Variants in TENM4 observed in about 807,000 individuals in gnomAD.
The protein encoded by TENM4 is teneurin-4.
Under a neutral mutation model 243.3 loss-of-function variants are expected in TENM4, and 82 were observed. That is an observed-to-expected ratio of 0.34 (90% confidence interval 0.28 to 0.40). TENM4 has a LOEUF of 0.40. TENM4 is among the 10% of genes least tolerant of loss of function. The pLI is 1.00. For missense variants in TENM4, 3,138 were observed against 3,673.3 expected (o/e 0.85, Z 3.77); for synonymous variants, 1,412 against 1,456.3 (o/e 0.97, Z 0.69).
intron 1 of TENM4, among the ~76,000 whole-genome samples, chr11:79,404,433 A>C (rs529887554): frequency 2.6e-5 from 4 of 152,294 alleles, no homozygotes; most frequent in Non-Finnish European, 4.4e-5. Context: ...AGTAGACTAG[A>C]GGCTGCCAGG....
At chr11:79,168,041 G>C (rs1255747521) in intron 3 of TENM4, among the ~76,000 whole-genome samples, 1 of 152,196 alleles carries the variant, frequency 6.6e-6, no homozygotes, top group Non-Finnish European at 1.5e-5. Flanking sequence ...TGCAGAACTG[G>C]GGCCATGGTT....
chr11:79,423,088 C>G (rs376432399), intron 1 of TENM4, among the ~76,000 whole-genome samples: 1 of 152,084 alleles, frequency 6.6e-6, no homozygotes, highest in African/African-American at 2.4e-5. Flanking sequence ...AAACCCAATC[C>G]CCCAAGGAGT....
In TENM4 at chr11:79,048,473, C is replaced by T. The variant is rs1427509474; in HGVS notation, c.493+16265G>A. 2.6e-5 allele frequency among the ~76,000 whole-genome samples: 4 copies of T among 152,132 alleles called. No individual in the cohort carries two copies. In the East Asian group the frequency reaches 7.7e-4, roughly 29 times the overall value. On this transcript the variant is annotated intron_variant, in intron 6 of 33. Coordinates refer to ENST00000278550, the MANE Select transcript of TENM4 (RefSeq NM_001098816.3). ...TAGAGCAAAGCCCTGATCCTGGACC[C>T]CACCCCCAAATCATGTGACACAAGG...
intron 2 of TENM4, among the ~76,000 whole-genome samples, chr11:79,236,774 T>A (rs368121197): frequency 2.0e-5 from 3 of 152,202 alleles, no homozygotes; most frequent in Non-Finnish European, 4.4e-5. Flanking sequence ...CCAAGTTCTA[T>A]GGAGCAAATG....
intron 6 of TENM4, among the ~76,000 whole-genome samples, chr11:78,910,180 C>T (rs374259457): frequency 6.6e-6 from 1 of 152,168 alleles, no homozygotes. Flanking sequence ...AGGCTGAGTG[C>T]CCACATCCAG....
intron 1 of TENM4, among the ~76,000 whole-genome samples, chr11:79,381,818 C>G (rs955613198): frequency 1.3e-5 from 2 of 151,982 alleles, no homozygotes; most frequent in Non-Finnish European, 2.9e-5. Flanking sequence ...GGTGATTTCC[C>G]TCAGACCACA....
At chr11:79,358,272 T>C (rs1857530602) in intron 1 of TENM4, among the ~76,000 whole-genome samples, 1 of 152,224 alleles carries the variant, frequency 6.6e-6, no homozygotes, top group African/African-American at 2.4e-5. Context: ...TAAATATTAC[T>C]AAAATGACCT....
At chr11:78,764,776 G>C (rs116033020) in intron 18 of TENM4, among the ~76,000 whole-genome samples, 1,918 of 152,310 alleles carry the variant, frequency 0.013, 49 homozygotes, top group African/African-American at 0.044. Flanking sequence ...GTGTAGTGGG[G>C]CAGACAGAGA....
chr11:78,946,358 T>C (rs925638467), intron 6 of TENM4, among the ~76,000 whole-genome samples: 4 of 152,238 alleles, frequency 2.6e-5, no homozygotes, highest in Non-Finnish European at 5.9e-5. Context: ...ACAGCATGGT[T>C]TACTGAATGT....
chr11:79,152,008 GC>G (rs1389035770), intron 3 of TENM4, among the ~76,000 whole-genome samples: 1 of 152,010 alleles, frequency 6.6e-6, no homozygotes, highest in East Asian at 1.9e-4. Context: ...AATGGAGAAG[GC>G]CATCCAAATA....
intron 6 of TENM4, among the ~76,000 whole-genome samples, chr11:79,052,709 G>T (rs1859829621): frequency 6.6e-6 from 1 of 152,170 alleles, no homozygotes; most frequent in South Asian, 2.1e-4. Context: ...GTCTCTTGGG[G>T]TCGCCATCTG....
chr11:78,673,305 C>G (rs1041924880), intron 30 of TENM4, among the ~76,000 whole-genome samples: 1 of 152,180 alleles, frequency 6.6e-6, no homozygotes. Flanking sequence ...GCCAGGTATT[C>G]TGGAACTAAA....
At chr11:79,023,967 C>G (rs1445465818) in intron 6 of TENM4, among the ~76,000 whole-genome samples, 4 of 152,206 alleles carry the variant, frequency 2.6e-5, no homozygotes, top group African/African-American at 9.6e-5. Context: ...ATTGCTAGAA[C>G]TATTTCACAG....
Position 79,245,002 on chromosome 11 carries a change from G to C in TENM4, c.-264-29093C>G, listed in dbSNP as rs531747845. On this transcript the variant is annotated intron_variant, in intron 2 of 33. Transcript: ENST00000278550. ...TTACCTCCTTCAGAAAGCCTTCCTT[G>C]ATTTCTCCAGGAAGAATGGCTCTAA... Among the ~76,000 whole-genome samples the C allele has an allele frequency of 8.0e-4, 122 of 152,292 alleles. 4 individuals are homozygous for C. In the South Asian group the frequency reaches 0.025, roughly 31 times the overall value.
At chr11:79,273,576 G>T (rs1050894131) in intron 2 of TENM4, among the ~76,000 whole-genome samples, 2 of 152,214 alleles carry the variant, frequency 1.3e-5, no homozygotes, top group African/African-American at 2.4e-5. Flanking sequence ...TCATTTTTAA[G>T]AGAGGTTAAG....
intron 1 of TENM4, among the ~76,000 whole-genome samples, chr11:79,378,956 C>T (rs76273304): frequency 0.031 from 4,686 of 151,870 alleles, 249 homozygotes; most frequent in African/African-American, 0.11. Flanking sequence ...TAACACAGTC[C>T]TTCTTTATTC....
rs148785106 is a variant in TENM4, at chr11:79,016,085, C to T, written c.493+48653G>A. The stretch of plus-strand genomic sequence containing the variant: ...GGTAGGAAGTGAGCTAGAGTGGATC[C>T]CAGACAAGGGAGTATTGTAGGCATG... On this transcript the variant is annotated intron_variant, in intron 6 of 33. Transcript: ENST00000278550. 3.2e-4 allele frequency among the ~76,000 whole-genome samples: 49 copies of T among 152,126 alleles called. No homozygotes were observed. In the East Asian group the frequency reaches 8.3e-3, roughly 26 times the overall value.
intron 28 of TENM4, among the ~76,000 whole-genome samples, chr11:78,691,790 GA>G (rs1858833320): frequency 6.6e-6 from 1 of 152,210 alleles, no homozygotes; most frequent in South Asian, 2.1e-4. Flanking sequence ...ATGTCTTAAT[GA>G]AATGAACATC....
chr11:78,829,552 A>C (rs1361904969), intron 12 of TENM4, among the ~76,000 whole-genome samples: 1 of 152,222 alleles, frequency 6.6e-6, no homozygotes, highest in Non-Finnish European at 1.5e-5. Context: ...CCATTGGGAC[A>C]GGCCAAGTCG....
Sources: allele counts gnomAD v4.1 joint callset (sites outside exome capture counted in the v4.1 genomes callset), GRCh38; gene constraint gnomAD v4.1.1; transcripts MANE v1.5; gene names NCBI Gene and HGNC (gene_info 2026-07-23, HGNC 2026-07-21).